SOX6: variants seen among roughly 807,000 people sequenced by gnomAD.
SOX6 encodes transcription factor SOX-6.
In SOX6, 11 loss-of-function variants were observed where a neutral mutation model predicts 97.8. The ratio of observed to expected loss-of-function variants is 0.11; its 90% confidence interval spans 0.07 to 0.19. SOX6 has a LOEUF of 0.19. Among genes scored for constraint, SOX6 ranks in the 10% least tolerant of loss-of-function variants. SOX6 has a pLI of 1.00. For synonymous variants in SOX6, 360 were observed against 371.4 expected (o/e 0.97, Z 0.35); for missense variants, 810 against 1,039.5 (o/e 0.78, Z 3.04).
intron 3 of SOX6, among the ~76,000 whole-genome samples, chr11:16,674,509 T>C (rs887457953): frequency 6.6e-6 from 1 of 152,214 alleles, no homozygotes; most frequent in Non-Finnish European, 1.5e-5. Flanking sequence ...ATGCCCACTT[T>C]CACCACAGTA....
intron 6 of SOX6, among the ~76,000 whole-genome samples, chr11:16,124,438 A>T (rs1221250848): frequency 2.0e-5 from 3 of 152,116 alleles, no homozygotes; most frequent in Non-Finnish European, 4.4e-5. Flanking sequence ...ATAGAGTATG[A>T]AGAATGAAAG....
intron 3 of SOX6, among the ~76,000 whole-genome samples, chr11:16,654,379 C>A (rs1210485186): frequency 6.6e-6 from 1 of 152,208 alleles, no homozygotes. Flanking sequence ...CACTTGTTGC[C>A]CAGGCTGGTC....
At chr11:16,626,583 C>T (rs1565196997) in intron 3 of SOX6, among the ~76,000 whole-genome samples, 1 of 152,060 alleles carries the variant, frequency 6.6e-6, no homozygotes, top group Non-Finnish European at 1.5e-5. Flanking sequence ...CTCAAAAAAG[C>T]CTGCTGGGAT....
At chr11:16,614,259 GACTCCGT>G (rs2133984593) in intron 3 of SOX6, among the ~76,000 whole-genome samples, 1 of 152,210 alleles carries the variant, frequency 6.6e-6, no homozygotes, top group South Asian at 2.1e-4. Context: ...GCTCAGAGCT[GACTCCGT>G]ACTCCCTGGG....
chr11:16,441,476 C>T (rs1470790303), intron 1 of SOX6, among the ~76,000 whole-genome samples: 1 of 152,044 alleles, frequency 6.6e-6, no homozygotes, highest in Non-Finnish European at 1.5e-5. Flanking sequence ...AGCACCTCTC[C>T]AACATTGAAG....
At chr11:16,378,401 A>G (rs2134405125) in intron 1 of SOX6, among the ~76,000 whole-genome samples, 1 of 152,308 alleles carries the variant, frequency 6.6e-6, no homozygotes, top group Admixed American at 6.5e-5. Flanking sequence ...AGAATAACCA[A>G]GATAATTTTA....
At position 16,030,350 on chromosome 11, in the gene SOX6, T is replaced by C. The variant is rs561893868; in HGVS notation, c.1624-15300A>G. ...TTATTTTAAAATTCATTGACAATTATAGTTTCTCAACTAAAAATAATACAA... is the reference window on the plus strand; with the variant it reads ...TTATTTTAAAATTCATTGACAATTACAGTTTCTCAACTAAAAATAATACAA... On this transcript the variant is annotated intron_variant, in intron 12 of 15. Coordinates refer to ENST00000683767, the MANE Select transcript of SOX6 (RefSeq NM_001367873.1). 1.9e-3 allele frequency among the ~76,000 whole-genome samples: 284 copies of C among 152,336 alleles called. 2 individuals carry two copies. The highest frequency in any genetic ancestry group is 0.014 in the Middle Eastern group (4 of 294).
intron 4 of SOX6, among the ~76,000 whole-genome samples, chr11:16,553,623 T>C (rs1483234163): frequency 1.3e-5 from 2 of 151,584 alleles, no homozygotes; most frequent in Non-Finnish European, 2.9e-5. Flanking sequence ...CCGGTGTATA[T>C]AAATGGCTAC....
intron 4 of SOX6, among the ~76,000 whole-genome samples, chr11:16,571,608 TTTTG>T (rs34319439): frequency 0.043 from 6,480 of 151,872 alleles, 338 homozygotes; most frequent in African/African-American, 0.13. Flanking sequence ...TACATTCAGT[TTTTG>T]TTTGTTTGTT....
chr11:16,608,626 C>T (rs142668060), intron 4 of SOX6, among the ~76,000 whole-genome samples: 103 of 151,020 alleles, frequency 6.8e-4, no homozygotes, highest in African/African-American at 2.4e-3. Context: ...AAGCAATTCA[C>T]ACAGGAGATT....
intron 3 of SOX6, among the ~76,000 whole-genome samples, chr11:16,296,689 T>G (rs1378812162): frequency 6.6e-6 from 1 of 152,122 alleles, no homozygotes; most frequent in Non-Finnish European, 1.5e-5. Context: ...AAACACCAAC[T>G]AAGATTTAAC....
At chr11:16,685,812 G>T (rs1009499827) in intron 3 of SOX6, among the ~76,000 whole-genome samples, 27 of 152,254 alleles carry the variant, frequency 1.8e-4, no homozygotes, top group African/African-American at 6.5e-4. Flanking sequence ...CTGTACTGTT[G>T]TACCCTGCAG....
At chr11:16,182,633 T>TTTTTA (rs1851373869) in intron 6 of SOX6, among the ~76,000 whole-genome samples, 1 of 151,956 alleles carries the variant, frequency 6.6e-6, no homozygotes, top group Non-Finnish European at 1.5e-5. Context: ...ATATTTGGAC[T>TTTTTA]TTTTATTTTG....
intron 3 of SOX6, among the ~76,000 whole-genome samples, chr11:16,701,172 G>A (rs1055868271): frequency 6.6e-6 from 1 of 152,158 alleles, no homozygotes; most frequent in African/African-American, 2.4e-5. Context: ...CCATCCAAAG[G>A]AATTAGTGTG....
At chr11:15,986,619 T>C (rs1265188207) in intron 14 of SOX6, among the ~76,000 whole-genome samples, 199 bp from the exon 15 acceptor site, 2 of 152,204 alleles carry the variant, frequency 1.3e-5, no homozygotes, top group East Asian at 1.9e-4. Flanking sequence ...TCTTGTGTTA[T>C]TTATCTCAAT....
Position 16,602,184 on chromosome 11 carries a change from C to A in SOX6, n.609+9897G>T, listed in dbSNP as rs183514506. Among the ~76,000 whole-genome samples the A allele has an allele frequency of 2.6e-5, 4 of 152,014 alleles. No homozygotes were observed. The East Asian group carries it at 7.7e-4, about 29-fold the overall frequency. ...TGACTTCCAAAACATCAAATAAAAG[C>A]AACAATAAACAGAATAAACAATAAA... On this transcript the variant is annotated intron_variant and non_coding_transcript_variant, in intron 4 of 5. Transcript: ENST00000524520.
intron 13 of SOX6, among the ~76,000 whole-genome samples, chr11:15,996,662 A>G (rs1265286490): frequency 6.6e-6 from 1 of 152,010 alleles, no homozygotes. Context: ...AAGTATAGCT[A>G]AAAATCTACC....
intron 3 of SOX6, among the ~76,000 whole-genome samples, chr11:16,237,568 A>G (rs1398824361): frequency 1.3e-5 from 2 of 151,992 alleles, no homozygotes; most frequent in African/African-American, 4.8e-5. Flanking sequence ...GCATAAATGC[A>G]AAAATCAAAG....
chr11:16,294,401 C>A (rs1052489742), intron 3 of SOX6, among the ~76,000 whole-genome samples: 1 of 152,030 alleles, frequency 6.6e-6, no homozygotes, highest in African/African-American at 2.4e-5. Context: ...AATTGGACAT[C>A]GTTATTTTAT....
Sources: allele counts gnomAD v4.1 joint callset (sites outside exome capture counted in the v4.1 genomes callset), GRCh38; gene constraint gnomAD v4.1.1; transcripts MANE v1.5; gene names NCBI Gene and HGNC (gene_info 2026-07-23, HGNC 2026-07-21).